Variants in GDF11 observed in about 807,000 individuals in gnomAD.
The protein encoded by GDF11 is growth differentiation factor 11, also known as growth/differentiation factor 11.
Under a neutral mutation model 34.4 loss-of-function variants are expected in GDF11, and 12 were observed. The ratio of observed to expected loss-of-function variants is 0.35; its 90% CI spans 0.22 to 0.57. GDF11 has a LOEUF of 0.57. GDF11 is among the 20% of genes least tolerant of loss of function. The probability of loss-of-function intolerance (pLI) is 0.86; values close to 1 mark genes in which losing one functional copy is unlikely to be tolerated. For missense variants in GDF11, 346 were observed against 548.2 expected, an observed-to-expected ratio of 0.63 and a Z score of 3.68; for synonymous variants, 212 against 231.1, an observed-to-expected ratio of 0.92 and a Z score of 0.75.
Position 55,749,060 on chromosome 12 carries a change from A to C in GDF11, c.843+77A>C. The C allele has an allele frequency of 7.3e-7, 1 of 1,361,318 alleles. No individual in the cohort carries two copies. 84.3% of individuals were successfully genotyped at this position (1,361,318 alleles called of 1,614,324 possible). ...TAGGGTTACATTGGAAAAGGTAGAC[A>C]AGGAATGTGAAGGAGGTTGGGGACC... On this transcript the variant is annotated intron_variant, in intron 2 of 2. Coordinates refer to ENST00000257868, the MANE Select transcript of GDF11 (RefSeq NM_005811.5). This position sits in a 1 kb window ranked among gnomAD's most constrained non-coding sequence, Gnocchi z 5.6.
intron 1 of GDF11, among the ~76,000 whole-genome samples, chr12:55,747,485 A>C (rs1201289385): frequency 2.0e-5 from 3 of 152,198 alleles, no homozygotes; most frequent in Admixed American, 6.5e-5. Context: ...TAGACTTCCT[A>C]ACCCTGCTTA....
At chr12:55,745,517 G>C (rs1878162274) in intron 1 of GDF11, among the ~76,000 whole-genome samples, 1 of 150,936 alleles carries the variant, frequency 6.6e-6, no homozygotes, top group South Asian at 2.1e-4. Flanking sequence ...TAGGGAACTG[G>C]GTCTCCGGCC....
chr12:55,747,489 C>G (rs973767646), intron 1 of GDF11, among the ~76,000 whole-genome samples: 3 of 152,174 alleles, frequency 2.0e-5, no homozygotes, highest in South Asian at 2.1e-4. Context: ...CTTCCTAACC[C>G]TGCTTATATG....
chr12:55,743,900 G>C, intron 1 of GDF11, 139 bp downstream of exon 1: 1 of 669,344 alleles, frequency 1.5e-6, no homozygotes, highest in East Asian at 2.9e-5. Flanking sequence ...AGGGAGCGGG[G>C]GCTACTTCAT....
At position 55,752,735 on chromosome 12, in the gene GDF11, C is replaced by A. The variant is rs1291706385; in HGVS notation, c.*2853C>A. The stretch of plus-strand genomic sequence containing the variant: ...CAAGGCTTCCTGGAGGGAACCACTG[C>A]AAAAAGGCCATCAGGCAGTTTTCAA... On this transcript the variant is annotated 3_prime_UTR_variant, in exon 3 of 3. Transcript: ENST00000257868. The A allele has an allele frequency of 8.6e-5, 13 of 151,962 alleles. No individual in the cohort carries two copies. The highest frequency in any genetic ancestry group is 1.6e-4 in the Non-Finnish European group (11 of 68,020). 9.4% of individuals were successfully genotyped at this position (151,962 alleles called of 1,614,324 possible). A position where few individuals can be genotyped will look rare whatever the true frequency, so the allele number is the denominator to read the frequency against.
rs1394595171 is a variant in GDF11, at chr12:55,755,788, TAAGAA to T, written c.*5909_*5913del. 3.3e-5 allele frequency: 4 copies of T among 120,022 alleles called. No individual in the cohort carries two copies. Among genetic ancestry groups the T allele is most frequent in the African/African-American group, 2.3e-4 (4 of 17,530 alleles). The allele number at this position is 120,022 out of a possible 1,614,324, so 7.4% of individuals were successfully genotyped here. On this transcript the variant is annotated 3_prime_UTR_variant, in exon 3 of 3. Transcript: ENST00000257868. Reference sequence around the variant, plus strand: ...GCTGAAATGGGATGAAAGAGGTTAATAAGAAAAAAAAAAAAATCCTCACAAATTGG... The same window carrying T: ...GCTGAAATGGGATGAAAGAGGTTAATAAAAAAAAAAATCCTCACAAATTGG...
At position 55,751,754 on chromosome 12, in the gene GDF11, G is replaced by C. The variant is rs1159640144; in HGVS notation, c.*1872G>C. ...TTAGAGGATGTCAGGAGAGGTGGGG[G>C]TAAGAATCTTCAGCAAAACTGTCAC... On this transcript the variant is annotated 3_prime_UTR_variant, in exon 3 of 3. Transcript: ENST00000257868. The C allele has an allele frequency of 3.3e-5, 5 of 152,182 alleles. No individual in the cohort carries two copies. The highest frequency in any genetic ancestry group is 1.2e-4 in the African/African-American group (5 of 41,440). The allele number at this position is 152,182 out of a possible 1,614,324, so 9.4% of individuals were successfully genotyped here.
rs1449744041 is a variant in GDF11, at chr12:55,752,267, C to T, written c.*2385C>T. ...AGAGTAGGGATTGGGCAATAAGCAT[C>T]AGGTATCTTCCCTCTACAGATTCTA... is the stretch of plus-strand genomic sequence containing the variant. On this transcript the variant is annotated 3_prime_UTR_variant, in exon 3 of 3. Coordinates refer to ENST00000257868, the MANE Select transcript of GDF11 (RefSeq NM_005811.5). 6.6e-6 allele frequency: 1 copy of T among 151,386 alleles called. No homozygotes were observed. Among genetic ancestry groups the T allele is most frequent in the Non-Finnish European group, 1.5e-5 (1 of 67,970 alleles). The allele number at this position is 151,386 out of a possible 1,614,324, so 9.4% of individuals were successfully genotyped here. A position where few individuals can be genotyped will look rare whatever the true frequency, so the allele number is the denominator to read the frequency against.
In GDF11 at chr12:55,749,267, G is replaced by C. The variant is rs1878251542; in HGVS notation, c.844-235G>C. Among the ~76,000 whole-genome samples the C allele has an allele frequency of 6.6e-6, 1 of 152,212 alleles. No homozygotes were observed. The highest frequency in any genetic ancestry group is 2.4e-5 in the African/African-American group (1 of 41,456). On this transcript the variant is annotated intron_variant, in intron 2 of 2. Transcript: ENST00000257868. The surrounding 1 kb of genome is among the most constrained non-coding windows in gnomAD (Gnocchi z 5.6). ...ACTGGCTGTTGAGGCGTTGGGCCAA[G>C]GGGCTGACAGGGATCAGGTTGCCAG...
At position 55,750,009 on chromosome 12, in the gene GDF11, C is replaced by T. The variant is rs954761346; in HGVS notation, c.*127C>T. On this transcript the variant is annotated 3_prime_UTR_variant, in exon 3 of 3. Coordinates refer to ENST00000257868, the MANE Select transcript of GDF11 (RefSeq NM_005811.5). ...ACATCACACCGTTCCCCGACCAAGC[C>T]GTGTGCAATACAACAGAGGGAGGCA... is the stretch of plus-strand genomic sequence containing the variant. 10 of 824,794 alleles carry T rather than the reference C, an allele frequency of 1.2e-5. No individual in the cohort carries two copies. The highest frequency in any genetic ancestry group is 7.6e-5 in the East Asian group (3 of 39,488). 51.1% of individuals were successfully genotyped at this position (824,794 alleles called of 1,614,324 possible). A position where few individuals can be genotyped will look rare whatever the true frequency, so the allele number is the denominator to read the frequency against.
chr12:55,745,567 TAA>T (rs1878164044), intron 1 of GDF11, among the ~76,000 whole-genome samples: 1 of 122,376 alleles, frequency 8.2e-6, no homozygotes, highest in Non-Finnish European at 1.6e-5. Flanking sequence ...GCTGAGCTCT[TAA>T]GAGAGGGAGG....
At chr12:55,744,902 TGGGAGAGGCACAGGAA>T (rs1878148510) in intron 1 of GDF11, among the ~76,000 whole-genome samples, 2 of 151,982 alleles carry the variant, frequency 1.3e-5, no homozygotes, top group Non-Finnish European at 2.9e-5. Context: ...CCCACCCCCA[TGGGAGAGGCACAGGAA>T]CCCAGGTGTG....
At chr12:55,743,879 C>A in intron 1 of GDF11, 118 bp downstream of exon 1, 1 of 811,054 alleles carries the variant, frequency 1.2e-6, no homozygotes, top group Non-Finnish European at 1.9e-6. Flanking sequence ...TCTGCGAAAA[C>A]TTGACGAATT....
rs943025644 is a variant in GDF11, at chr12:55,748,418, G to A, written c.446-168G>A. On this transcript the variant is annotated intron_variant, in intron 1 of 2. Coordinates refer to ENST00000257868, the MANE Select transcript of GDF11 (RefSeq NM_005811.5). This position sits in a 1 kb window ranked among gnomAD's most constrained non-coding sequence, Gnocchi z 5.6. ...CTTATAGGGCCATCATCCTAAAGAG[G>A]AAGTGCTGTTTTAGGTACCGGAGAC... is the stretch of plus-strand genomic sequence containing the variant. 6.6e-6 allele frequency among the ~76,000 whole-genome samples: 1 copy of A among 152,214 alleles called. No individual in the cohort carries two copies. Among genetic ancestry groups the A allele is most frequent in the Non-Finnish European group, 1.5e-5 (1 of 68,042 alleles).
At chr12:55,745,668 T>G (rs1037030506) in intron 1 of GDF11, among the ~76,000 whole-genome samples, 1 of 151,850 alleles carries the variant, frequency 6.6e-6, no homozygotes, top group Non-Finnish European at 1.5e-5. Context: ...AATAAGAGAC[T>G]TGTGCTCTGC....
chr12:55,746,865 T>G (rs1878196277), intron 1 of GDF11, among the ~76,000 whole-genome samples: 1 of 152,256 alleles, frequency 6.6e-6, no homozygotes, highest in Non-Finnish European at 1.5e-5. Flanking sequence ...ACTTCAATTA[T>G]AGCCAAAGAA....
At chr12:55,745,770 C>A (rs987325844) in intron 1 of GDF11, among the ~76,000 whole-genome samples, 1 of 151,248 alleles carries the variant, frequency 6.6e-6, no homozygotes, top group Admixed American at 6.6e-5. Context: ...CCCCAGCCCC[C>A]ACCTCTCCTA....
rs1296691262 is a variant in GDF11 at position 55,749,405 on chromosome 12, GTC to G, written c.844-93_844-92del. The G allele has an allele frequency of 7.6e-7, 1 of 1,313,774 alleles. No homozygotes were observed. Among genetic ancestry groups the G allele is most frequent in the Non-Finnish European group, 1.0e-6 (1 of 959,658 alleles). 81.4% of individuals were successfully genotyped at this position (1,313,774 alleles called of 1,614,324 possible). A position where few individuals can be genotyped will look rare whatever the true frequency, so the allele number is the denominator to read the frequency against. On this transcript the variant is annotated intron_variant, in intron 2 of 2. Transcript: ENST00000257868. The surrounding 1 kb of genome is among the most constrained non-coding windows in gnomAD (Gnocchi z 5.6). ...CAATGGAAAAGCTGAGAAGTCAGCA[GTC>G]TCTATTCTGATGCCCCTGGCAGGTG...
intron 1 of GDF11, among the ~76,000 whole-genome samples, chr12:55,747,845 A>G (rs1158502978): frequency 6.6e-6 from 1 of 152,212 alleles, no homozygotes; most frequent in Non-Finnish European, 1.5e-5. Flanking sequence ...CTTTAGGCAA[A>G]TAGGAGGCAA....
Sources: allele counts gnomAD v4.1 joint callset (sites outside exome capture counted in the v4.1 genomes callset), GRCh38; gene constraint gnomAD v4.1.1; non-coding constraint Gnocchi (gnomAD v3.1); transcripts MANE v1.5; gene names NCBI Gene and HGNC (gene_info 2026-07-23, HGNC 2026-07-21).